DUSP22: variants seen among roughly 807,000 people sequenced by gnomAD.
DUSP22 encodes the protein dual specificity protein phosphatase 22.
Under a neutral mutation model 24.5 loss-of-function variants are expected in DUSP22, and 24 were observed. The observed-to-expected ratio is 0.98, with a 90% CI of 0.71 to 1.38. The LOEUF (loss-of-function observed/expected upper bound fraction) is 1.38, where lower values mean the gene tolerates loss of function less well. Among genes scored for constraint, DUSP22 ranks in the 40% most tolerant of loss-of-function variants. DUSP22 has a pLI of 0.00. For missense variants in DUSP22, 330 were observed against 269.2 expected (o/e 1.23, Z -1.58); for synonymous variants, 160 against 106.4 (o/e 1.50, Z -3.10).
intron 3 of DUSP22, among the ~76,000 whole-genome samples, chr6:332,452 C>T (rs551856543): frequency 6.6e-6 from 1 of 152,308 alleles, no homozygotes; most frequent in African/African-American, 2.4e-5. Context: ...CTCGTGCCCA[C>T]CTGACAAGGT....
intron 3 of DUSP22, among the ~76,000 whole-genome samples, chr6:320,927 A>G (rs1316802779): frequency 2.6e-5 from 4 of 152,298 alleles, no homozygotes; most frequent in African/African-American, 9.6e-5. Flanking sequence ...GGGATTGGGG[A>G]TAAAATACAA....
chr6:317,487 C>T (rs1017939287), intron 3 of DUSP22, among the ~76,000 whole-genome samples: 6 of 152,420 alleles, frequency 3.9e-5, no homozygotes, highest in Admixed American at 6.5e-5. Flanking sequence ...CCCCTCCCTC[C>T]GAGCTCAGCC....
chr6:297,843 C>T (rs1757410984), intron 1 of DUSP22, among the ~76,000 whole-genome samples: 1 of 152,300 alleles, frequency 6.6e-6, no homozygotes, highest in Admixed American at 6.5e-5. Context: ...CCATTTTTTC[C>T]ACCTGGCAGC....
chr6:297,961 A>G (rs909771307), intron 1 of DUSP22, among the ~76,000 whole-genome samples: 1 of 152,304 alleles, frequency 6.6e-6, no homozygotes, highest in African/African-American at 2.4e-5. Flanking sequence ...GTGAGCTGTT[A>G]ATAGGAAAGA....
chr6:320,892 TTTA>T (rs1758556115), intron 3 of DUSP22, among the ~76,000 whole-genome samples: 1 of 152,304 alleles, frequency 6.6e-6, no homozygotes, highest in Non-Finnish European at 1.5e-5. Context: ...TCAGCAAACA[TTTA>T]TTGAGCACCT....
intron 3 of DUSP22, among the ~76,000 whole-genome samples, chr6:323,743 A>G (rs1420715628): frequency 1.3e-5 from 2 of 152,308 alleles, no homozygotes; most frequent in African/African-American, 4.8e-5. Flanking sequence ...ACTCTTGGAA[A>G]TTATTCCTAA....
intron 3 of DUSP22, among the ~76,000 whole-genome samples, chr6:329,301 A>G (rs1284001070): frequency 6.6e-6 from 1 of 152,310 alleles, no homozygotes; most frequent in African/African-American, 2.4e-5. Flanking sequence ...GTGGTTGTCA[A>G]GGGCTGCGAG....
intron 1 of DUSP22, among the ~76,000 whole-genome samples, chr6:304,070 A>G (rs1484269554): frequency 6.6e-6 from 1 of 152,298 alleles, no homozygotes; most frequent in Non-Finnish European, 1.5e-5. Context: ...GCAGTGAGCA[A>G]CAGGATTCGT....
rs199695836 is a variant in DUSP22, at chr6:324,927, C to T, written c.139-10187C>T. On this transcript the variant is annotated intron_variant, in intron 3 of 6. Coordinates refer to ENST00000419235, the MANE Select transcript of DUSP22 (RefSeq NM_001286555.3). ...AAAACAGGCACAGTGTTCCCAGCAG[C>T]GCTTCGTGCCTCCCTAAGGAGGGAG... Among the ~76,000 whole-genome samples the T allele has an allele frequency of 1.2e-4, 18 of 152,428 alleles. No homozygotes were observed. The East Asian group carries it at 3.3e-3, about 28-fold the overall frequency.
intron 2 of DUSP22, among the ~76,000 whole-genome samples, chr6:308,536 C>T (rs551998896): frequency 6.6e-5 from 10 of 152,422 alleles, no homozygotes; most frequent in East Asian, 1.9e-4. Context: ...GTGCTGGCCC[C>T]GGAGTGCTTC....
At chr6:293,448 C>T (rs1420724546) in intron 1 of DUSP22, among the ~76,000 whole-genome samples, 1 of 152,296 alleles carries the variant, frequency 6.6e-6, no homozygotes, top group Non-Finnish European at 1.5e-5. Context: ...TACCTTTTTA[C>T]GGGTCTTTGA....
rs1166503955 is a variant in DUSP22, at chr6:348,756, C to A, written c.436-13C>A. 6.2e-7 allele frequency: 1 copy of A among 1,614,184 alleles called. No individual in the cohort carries two copies. Among genetic ancestry groups the A allele is most frequent in the Non-Finnish European group, 8.5e-7 (1 of 1,179,994 alleles). On this transcript the variant is annotated splice_polypyrimidine_tract_variant and intron_variant, in intron 6 of 6. Coordinates refer to ENST00000419235, the MANE Select transcript of DUSP22 (RefSeq NM_001286555.3). ...TGTGTGTGACGTTTCGGGTTTGTTTCCATCCTCTCCAGTATCGGCAGTGGC... is the reference window on the plus strand; with the variant it reads ...TGTGTGTGACGTTTCGGGTTTGTTTACATCCTCTCCAGTATCGGCAGTGGC...
intron 3 of DUSP22, among the ~76,000 whole-genome samples, chr6:318,038 CTG>C (rs1468381408): frequency 6.6e-6 from 1 of 152,312 alleles, no homozygotes; most frequent in Admixed American, 6.5e-5. Context: ...TATGGGCAGT[CTG>C]TGTAGTTCCT....
rs984381982 is a variant in DUSP22 at position 349,303 on chromosome 6, G to T, written c.*352G>T. The T allele has an allele frequency of 4.2e-6, 5 of 1,200,246 alleles. No homozygotes were observed. Among genetic ancestry groups the T allele is most frequent in the Non-Finnish European group, 5.2e-6 (5 of 960,360 alleles). The allele number at this position is 1,200,246 out of a possible 1,614,324, so 74.3% of individuals were successfully genotyped here. On this transcript the variant is annotated 3_prime_UTR_variant, in exon 7 of 7. Transcript: ENST00000419235. Reference sequence around the variant, plus strand: ...TGTGCACCTAAGTGTGTACATGTGTGTATGTTGTGAAAGTGTCTGTGCACA... The same window carrying T: ...TGTGCACCTAAGTGTGTACATGTGTTTATGTTGTGAAAGTGTCTGTGCACA...
intron 3 of DUSP22, among the ~76,000 whole-genome samples, chr6:333,695 C>T (rs944852504): frequency 6.6e-6 from 1 of 152,306 alleles, no homozygotes; most frequent in African/African-American, 2.4e-5. Flanking sequence ...AAACTGGCCC[C>T]AAGCTCAGCG....
At chr6:312,121 C>G (rs1350998610) in intron 3 of DUSP22, among the ~76,000 whole-genome samples, 159 bp downstream of exon 3, 1 of 152,298 alleles carries the variant, frequency 6.6e-6, no homozygotes, top group Non-Finnish European at 1.5e-5. Flanking sequence ...GATGTTAACA[C>G]GCTGTCTGTA....
chr6:330,030 CAG>C (rs1289482743), intron 3 of DUSP22, among the ~76,000 whole-genome samples: 3 of 152,258 alleles, frequency 2.0e-5, no homozygotes, highest in African/African-American at 4.8e-5. Context: ...AGTGTGAATA[CAG>C]AGTGTGTGTA....
At chr6:310,016 A>G (rs1224102460) in intron 2 of DUSP22, among the ~76,000 whole-genome samples, 1 of 152,296 alleles carries the variant, frequency 6.6e-6, no homozygotes, top group Non-Finnish European at 1.5e-5. Context: ...GCTGGAGTTC[A>G]GTGGGGCGAT....
intron 1 of DUSP22, among the ~76,000 whole-genome samples, chr6:296,974 T>G (rs1441787816): frequency 6.6e-6 from 1 of 152,428 alleles, no homozygotes; most frequent in African/African-American, 2.4e-5. Context: ...CTGCCATCCC[T>G]GTCCTTCTCG....
Sources: gnomAD v4.1 joint callset for allele counts (sites outside exome capture counted in the v4.1 genomes callset) on GRCh38, gnomAD v4.1.1 for gene constraint, MANE v1.5 for transcripts, NCBI Gene and HGNC (gene_info 2026-07-23, HGNC 2026-07-21) for gene names.